Variants in DST observed in about 807,000 individuals in gnomAD.
DST encodes the protein dystonin.
DST carries 253 observed loss-of-function variants against 875.2 expected under a neutral mutation model. That is an observed-to-expected ratio of 0.29 (90% confidence interval 0.26 to 0.32). The LOEUF is 0.32. Among genes scored for constraint, DST ranks in the 10% least tolerant of loss-of-function variants. The probability of loss-of-function intolerance (pLI) is 1.00; values close to 1 mark genes in which losing one functional copy is unlikely to be tolerated. For missense variants in DST, 8,287 were observed against 9,111.6 expected, an observed-to-expected ratio of 0.91 and a Z score of 3.68; for synonymous variants, 3,124 against 3,197.1, an observed-to-expected ratio of 0.98 and a Z score of 0.77.
intron 82 of DST, among the ~76,000 whole-genome samples, chr6:56,496,605 C>A (rs1424489996): frequency 6.6e-6 from 1 of 151,840 alleles, no homozygotes; most frequent in Admixed American, 6.6e-5. Flanking sequence ...CTTCAAGGCA[C>A]AATAATTTAA....
At chr6:56,460,405 G>T in intron 102 of DST, 151 bp from the exon 103 acceptor site, 1 of 624,580 alleles carries the variant, frequency 1.6e-6, no homozygotes, top group South Asian at 3.5e-5. Context: ...ATAAGGCATG[G>T]GGTTCTCACT....
Position 56,560,330 on chromosome 6 carries a change from C to G in DST, c.14404G>C (p.Glu4802Gln). ...ELLEENPDTP[E>Q]APRWKQMLTE... ...AACATCTGTTTCCATCTGGGGGCCT[C>G]AGGAGTATCTGGGTTCTCCTCCAAC... is the stretch of plus-strand genomic sequence containing the variant. Residue 4802 changes from glutamate (E) to glutamine (Q), a missense_variant, in exon 58 of 104, where the codon GAG (glutamate) becomes CAG (glutamine). By Grantham distance (29) the Glu-to-Gln change is conservative. Around this residue, in one of 10 missense-constraint regions of DST, gnomAD observed 1,513 missense variants for 1,677.8 expected, o/e 0.90. Transcript: ENST00000680361. 6.2e-7 allele frequency: 1 copy of G among 1,611,408 alleles called. No homozygotes were observed. The highest frequency in any genetic ancestry group is 8.5e-7 in the Non-Finnish European group (1 of 1,178,626).
At chr6:56,836,821 C>T (rs1208058027) in intron 4 of DST, among the ~76,000 whole-genome samples, 1 of 144,220 alleles carries the variant, frequency 6.9e-6, no homozygotes, top group Admixed American at 6.9e-5. Flanking sequence ...ACTGCACTCC[C>T]GCCTGGGCCA....
intron 56 of DST, among the ~76,000 whole-genome samples, chr6:56,561,801 AC>A (rs1227461346): frequency 6.6e-6 from 1 of 152,174 alleles, no homozygotes; most frequent in Admixed American, 6.5e-5. Flanking sequence ...CAAAAAACAA[AC>A]CACAAAATGT....
intron 49 of DST, among the ~76,000 whole-genome samples, chr6:56,590,552 C>G (rs2098253194): frequency 6.6e-6 from 1 of 151,790 alleles, no homozygotes. Flanking sequence ...CTTGAATATA[C>G]AATACATGGG....
chr6:56,659,079 G>A (rs796811581), intron 10 of DST, among the ~76,000 whole-genome samples: 2 of 152,174 alleles, frequency 1.3e-5, no homozygotes, highest in South Asian at 2.1e-4. Context: ...GATTAGAAGA[G>A]ATTAAATGAT....
intron 46 of DST, 112 bp downstream of exon 46, chr6:56,598,364 T>A (rs966934599): frequency 3.0e-6 from 2 of 673,388 alleles, no homozygotes; most frequent in African/African-American, 3.7e-5. Context: ...CAGAATCCCA[T>A]AATAATCCTT....
At chr6:56,752,059 G>A (rs566560941) in intron 4 of DST, among the ~76,000 whole-genome samples, 3 of 152,060 alleles carry the variant, frequency 2.0e-5, no homozygotes, top group Admixed American at 1.3e-4. Context: ...GCACACAAGT[G>A]GGTCTCCAGT....
In DST at chr6:56,678,174, C is replaced by T. The variant is rs75284404; in HGVS notation, c.1048-7367G>A. Among the ~76,000 whole-genome samples the T allele has an allele frequency of 2.8e-4, 43 of 152,338 alleles. No homozygotes were observed. In the Middle Eastern group the frequency reaches 0.01, roughly 36 times the overall value. On this transcript the variant is annotated intron_variant, in intron 9 of 103. Coordinates refer to ENST00000680361, the MANE Select transcript of DST (RefSeq NM_001374736.1). ...ATCCCTCAAAGATGTGGCACCTGGC[C>T]GTGTGCCTGGACACCCAAATGCCAT... is the stretch of plus-strand genomic sequence containing the variant.
Position 56,608,337 on chromosome 6 carries a change from G to A in DST, c.6291C>T (p.Ala2097=). Residue 2097 remains alanine, a synonymous_variant, in exon 40 of 104, where the codon GCC becomes GCT. Transcript: ENST00000680361. ...LQQELITNEL[A]YKILNGRQKI... ...TTTGTCTGCCATTCAGGATTTTGTA[G>A]GCCAATTCATTTGTAATCAATTCTT... is the stretch of plus-strand genomic sequence containing the variant. 3 of 1,612,662 alleles carry A rather than the reference G, an allele frequency of 1.9e-6. No individual in the cohort carries two copies. The highest frequency in any genetic ancestry group is 2.2e-5 in the East Asian group (1 of 44,882).
intron 74 of DST, 104 bp downstream of exon 74, chr6:56,509,538 A>T: frequency 1.2e-6 from 1 of 825,148 alleles, no homozygotes. Flanking sequence ...CATTTGTAGT[A>T]TCTTTTTTAA....
intron 9 of DST, among the ~76,000 whole-genome samples, chr6:56,688,510 G>A (rs1001104975): frequency 7.9e-5 from 12 of 151,982 alleles, no homozygotes; most frequent in Non-Finnish European, 1.5e-4. Context: ...ATTATTCAGA[G>A]ACTGACAATA....
chr6:56,696,161 A>G (rs1342766538), intron 9 of DST, among the ~76,000 whole-genome samples: 2 of 152,004 alleles, frequency 1.3e-5, no homozygotes, highest in Non-Finnish European at 2.9e-5. Flanking sequence ...ATTAGAAGCA[A>G]AACTTTTTTT....
At chr6:56,574,179 G>A (rs1179942726) in intron 50 of DST, among the ~76,000 whole-genome samples, 1 of 152,018 alleles carries the variant, frequency 6.6e-6, no homozygotes, top group Admixed American at 6.6e-5. Flanking sequence ...AATTGTCACA[G>A]AGAGACAAAA....
rs377669664 is a variant in DST at position 56,568,562 on chromosome 6, C to G, written c.13912G>C (p.Glu4638Gln). The change falls in exon 55 of 104, where the codon GAG becomes CAG. Residue 4638 changes from glutamate (E) to glutamine (Q), a missense_variant. Physicochemically the swap from Glu to Gln is conservative, Grantham distance 29 (BLOSUM62 2). Transcript: ENST00000680361. ...CCACTGTTGTTTACTTTCTGAATCT[C>G]TGGTGTTTTTAAACTCCACTTTTCT... Reference protein sequence around the residue: ...LQEKWSLKTPEIQKVNNSGIS... With the variant: ...LQEKWSLKTPQIQKVNNSGIS... The G allele has an allele frequency of 7.8e-5, 126 of 1,611,274 alleles. No homozygotes were observed. The highest frequency in any genetic ancestry group is 1.0e-4 in the Non-Finnish European group (119 of 1,178,802).
At chr6:56,726,127 T>G (rs2099455904) in intron 5 of DST, among the ~76,000 whole-genome samples, 1 of 152,172 alleles carries the variant, frequency 6.6e-6, no homozygotes, top group Non-Finnish European at 1.5e-5. Context: ...CTTTTAAATG[T>G]TCACAACACA....
At chr6:56,664,124 T>C (rs758851868) in intron 10 of DST, among the ~76,000 whole-genome samples, 28 of 152,138 alleles carry the variant, frequency 1.8e-4, no homozygotes, top group Non-Finnish European at 3.8e-4. Flanking sequence ...TGTCTTTCCA[T>C]AGAGCCACCT....
chr6:56,517,459 C>T, intron 70 of DST, 42 bp downstream of exon 70: 1 of 1,604,452 alleles, frequency 6.2e-7, no homozygotes, highest in African/African-American at 1.3e-5. Context: ...TGGAGCACAC[C>T]AGCAAATAAT....
chr6:56,597,703 T>C (rs759185656), intron 47 of DST, 37 bp downstream of exon 47: 1 of 1,572,868 alleles, frequency 6.4e-7, no homozygotes, highest in Non-Finnish European at 8.7e-7. Context: ...AACCTGGAAA[T>C]AGAATTGAAC....
Sources: allele counts gnomAD v4.1 joint callset (sites outside exome capture counted in the v4.1 genomes callset), GRCh38; gene constraint gnomAD v4.1.1; regional missense constraint gnomAD v4.1.1; transcripts MANE v1.5; gene names NCBI Gene and HGNC (gene_info 2026-07-23, HGNC 2026-07-21).